The following TRRAP variants were observed in gnomAD, a reference collection of about 807,000 sequenced individuals.
The protein encoded by TRRAP is transformation/transcription domain-associated protein.
A neutral mutation model predicts 438.8 loss-of-function variants in TRRAP; 41 were observed. The ratio of observed to expected loss-of-function variants is 0.09; its 90% confidence interval spans 0.07 to 0.12. The LOEUF (loss-of-function observed/expected upper bound fraction) is 0.12, where lower values mean the gene tolerates loss of function less well. Among genes scored for constraint, TRRAP ranks in the 10% least tolerant of loss-of-function variants. The pLI is 1.00. For synonymous variants in TRRAP, 1,994 were observed against 1,962.9 expected, an observed-to-expected ratio of 1.02 and a Z score of -0.42; for missense variants, 3,122 against 5,055.1, an observed-to-expected ratio of 0.62 and a Z score of 11.60.
intron 3 of TRRAP, among the ~76,000 whole-genome samples, chr7:98,889,862 T>G (rs1263089236): frequency 1.3e-5 from 2 of 152,136 alleles, no homozygotes; most frequent in Non-Finnish European, 2.9e-5. Flanking sequence ...GCCCTTCCTA[T>G]TCTACTTTTA....
rs1265038607 is a variant in TRRAP at position 98,994,606 on chromosome 7, A to G, written c.10067A>G (p.Gln3356Arg). 6.2e-7 allele frequency: 1 copy of G among 1,614,182 alleles called. No individual in the cohort carries two copies. Residue 3356 changes from glutamine to arginine, a missense_variant, in exon 67 of 73, where the codon CAG becomes CGG. Coordinates refer to ENST00000456197, the MANE Select transcript of TRRAP (RefSeq NM_001375524.1). This position sits in a 1 kb window ranked among gnomAD's most constrained non-coding sequence, Gnocchi z 4.8. ...TACCAGGTTCTCAGGCAGCTCCAAC[A>G]GGGCCTGGCGAAATGTTACTCCGTG... ...WHEEVLRQLQQGLAKCYSVAF... is the reference protein window; with the variant it reads ...WHEEVLRQLQRGLAKCYSVAF...
At chr7:98,984,029 C>A in intron 60 of TRRAP, 64 bp from the exon 61 acceptor site, 1 of 1,490,516 alleles carries the variant, frequency 6.7e-7, no homozygotes, top group South Asian at 1.4e-5. Context: ...TTATTTAAGC[C>A]TTGTTGTGAA....
intron 30 of TRRAP, among the ~76,000 whole-genome samples, chr7:98,941,733 A>G (rs2237596): frequency 0.7 from 106,876 of 152,002 alleles, 42,118 homozygotes; most frequent in South Asian, 0.88. Flanking sequence ...AGAAATGTGT[A>G]TTATTGTATG....
intron 53 of TRRAP, among the ~76,000 whole-genome samples, chr7:98,972,664 A>G (rs1184789865): frequency 1.3e-5 from 2 of 152,216 alleles, no homozygotes; most frequent in Admixed American, 6.5e-5. Flanking sequence ...AGCTCCGTGT[A>G]CCAGGTTGCT....
intron 8 of TRRAP, among the ~76,000 whole-genome samples, chr7:98,898,466 T>C (rs1285188484): frequency 3.3e-5 from 5 of 152,256 alleles, no homozygotes; most frequent in Admixed American, 6.5e-5. Flanking sequence ...ATTGAATTAT[T>C]ATCCATGTTT....
intron 30 of TRRAP, among the ~76,000 whole-genome samples, chr7:98,938,060 G>A (rs782438937): frequency 5.3e-5 from 8 of 152,168 alleles, no homozygotes; most frequent in Non-Finnish European, 1.0e-4. Flanking sequence ...TGTAATCCCA[G>A]CTACTTAGGG....
intron 63 of TRRAP, among the ~76,000 whole-genome samples, chr7:98,989,477 G>A (rs1485066892): frequency 6.6e-6 from 1 of 152,238 alleles, no homozygotes; most frequent in East Asian, 1.9e-4. Flanking sequence ...GTGGCTTCCT[G>A]TCTTCCCCCA....
chr7:98,942,388 T>G (rs1790836507), intron 30 of TRRAP, among the ~76,000 whole-genome samples: 2 of 152,238 alleles, frequency 1.3e-5, no homozygotes, highest in Admixed American at 1.3e-4. Flanking sequence ...TCCTCTTCTC[T>G]CTGCCCTTCT....
intron 17 of TRRAP, 70 bp downstream of exon 17, chr7:98,911,341 T>C (rs1789256860): frequency 7.2e-7 from 1 of 1,396,580 alleles, no homozygotes; most frequent in South Asian, 1.5e-5. Flanking sequence ...TACTTTTTCA[T>C]TTATTTCAAG....
At chr7:99,007,992 A>T (rs1443618033) in intron 69 of TRRAP, among the ~76,000 whole-genome samples, 1 of 151,284 alleles carries the variant, frequency 6.6e-6, no homozygotes, top group East Asian at 2.0e-4. Flanking sequence ...CTCCCGGCTA[A>T]TTTTTGTATT....
In TRRAP at chr7:99,011,590, G is replaced by A. The variant is rs190949720; in HGVS notation, c.11337+55G>A. ...GCAGGCTAGAGCCACTCAGATGCCC[G>A]CGCGTCACGGCCTTGCAGGAGCTGC... On this transcript the variant is annotated intron_variant, in intron 72 of 72. Coordinates refer to ENST00000456197, the MANE Select transcript of TRRAP (RefSeq NM_001375524.1). This position sits in a 1 kb window ranked among gnomAD's most constrained non-coding sequence, Gnocchi z 7.1. 5.0e-3 allele frequency: 7,754 copies of A among 1,561,990 alleles called. 26 individuals are homozygous for A. The highest frequency in any genetic ancestry group is 6.3e-3 in the Non-Finnish European group (7,223 of 1,155,074).
chr7:98,897,941 T>G, intron 8 of TRRAP, 75 bp downstream of exon 8: 2 of 1,595,114 alleles, frequency 1.3e-6, no homozygotes, highest in Non-Finnish European at 1.7e-6. Flanking sequence ...CCATTTTTTT[T>G]TCTCTTAAAT....
intron 37 of TRRAP, 71 bp downstream of exon 37, chr7:98,949,912 A>T (rs1554417829): frequency 6.3e-7 from 1 of 1,576,972 alleles, no homozygotes; most frequent in Non-Finnish European, 8.6e-7. Flanking sequence ...GCCTCCTTCT[A>T]CTCTGTACAA....
At chr7:98,888,007 G>A (rs1795790320) in intron 3 of TRRAP, among the ~76,000 whole-genome samples, 1 of 152,154 alleles carries the variant, frequency 6.6e-6, no homozygotes, top group Non-Finnish European at 1.5e-5. Flanking sequence ...TGAGGCAGCA[G>A]ATCACGAGGT....
chr7:98,912,282 A>G (rs1789307740), intron 18 of TRRAP, 69 bp downstream of exon 18: 3 of 1,530,852 alleles, frequency 2.0e-6, no homozygotes, highest in South Asian at 2.5e-5. Flanking sequence ...ACAGGGCCTC[A>G]CGGTGGTGTC....
chr7:98,886,400 A>G (rs1343920848), intron 3 of TRRAP, among the ~76,000 whole-genome samples: 1 of 151,910 alleles, frequency 6.6e-6, no homozygotes, highest in Non-Finnish European at 1.5e-5. Flanking sequence ...AGAGATAGAT[A>G]TAGATATCTA....
At position 98,976,008 on chromosome 7, in the gene TRRAP, G is replaced by T. The variant is rs73395140; in HGVS notation, c.7840-141G>T. ...ATCTGTGGGCTTTTACTCTAACATG[G>T]CATTTTCTCAGATCTTTGAAACTTT... On this transcript the variant is annotated intron_variant, in intron 53 of 72. Coordinates refer to ENST00000456197, the MANE Select transcript of TRRAP (RefSeq NM_001375524.1). The surrounding 1 kb of genome is among the most constrained non-coding windows in gnomAD (Gnocchi z 4.6). 7,650 of 1,124,498 alleles carry T rather than the reference G, an allele frequency of 6.8e-3. 354 individuals are homozygous for T. In the African/African-American group the frequency reaches 0.1, roughly 15 times the overall value. 69.7% of individuals were successfully genotyped at this position (1,124,498 alleles called of 1,614,324 possible). A position where few individuals can be genotyped will look rare whatever the true frequency, so the allele number is the denominator to read the frequency against.
intron 44 of TRRAP, 38 bp from the exon 45 acceptor site, chr7:98,959,306 G>A: frequency 6.2e-7 from 1 of 1,607,696 alleles, no homozygotes; most frequent in Non-Finnish European, 8.5e-7. Flanking sequence ...AAACTCGGAT[G>A]CAGTGAAATG....
rs60171809 is a variant in TRRAP at position 98,894,715 on chromosome 7, C to T, written c.450+834C>T. On this transcript the variant is annotated intron_variant, in intron 6 of 72. Coordinates refer to ENST00000456197, the MANE Select transcript of TRRAP (RefSeq NM_001375524.1). ...GCAACCTCTGCCTCCCGGATTCAAG[C>T]GATTCTCCTGTCTCAGCCTCCCCAA... Among the ~76,000 whole-genome samples the T allele has an allele frequency of 2.2e-3, 329 of 149,082 alleles. 2 individuals are homozygous for T. The highest frequency in any genetic ancestry group is 7.5e-3 in the African/African-American group (304 of 40,668).
Sources: gnomAD v4.1 joint callset for allele counts (sites outside exome capture counted in the v4.1 genomes callset) on GRCh38, gnomAD v4.1.1 for gene constraint, Gnocchi (gnomAD v3.1) non-coding constraint, MANE v1.5 for transcripts, NCBI Gene and HGNC (gene_info 2026-07-23, HGNC 2026-07-21) for gene names.